Variants in FRMD3 observed in about 807,000 individuals in gnomAD.
FRMD3 encodes FERM domain-containing protein 3.
In FRMD3, 33 loss-of-function variants were observed where a neutral mutation model predicts 70.2. The ratio of observed to expected loss-of-function variants is 0.47; its 90% CI spans 0.36 to 0.63. The LOEUF is 0.63. FRMD3 is among the 20% of genes least tolerant of loss of function. FRMD3 has a pLI of 0.00. For synonymous variants in FRMD3, 279 were observed against 255.9 expected, an observed-to-expected ratio of 1.09 and a Z score of -0.86; for missense variants, 632 against 711.4, an observed-to-expected ratio of 0.89 and a Z score of 1.27.
chr9:83,272,270 GT>G (rs1833587170), intron 13 of FRMD3, among the ~76,000 whole-genome samples: 1 of 151,848 alleles, frequency 6.6e-6, no homozygotes, highest in African/African-American at 2.4e-5. Context: ...CGCCTGACTG[GT>G]TTTCGTTTTT....
At chr9:83,408,474 C>T (rs1826189489) in intron 1 of FRMD3, among the ~76,000 whole-genome samples, 2 of 152,174 alleles carry the variant, frequency 1.3e-5, no homozygotes, top group Non-Finnish European at 2.9e-5. Context: ...GAACATGCCT[C>T]CCTCCCATTT....
intron 1 of FRMD3, among the ~76,000 whole-genome samples, chr9:83,506,030 G>A (rs1337487692): frequency 3.9e-5 from 6 of 152,106 alleles, no homozygotes. Flanking sequence ...CACCCACCAC[G>A]CAGCTGGTCA....
intron 1 of FRMD3, among the ~76,000 whole-genome samples, chr9:83,509,778 C>T (rs1290959909): frequency 6.7e-6 from 1 of 149,858 alleles, no homozygotes; most frequent in Non-Finnish European, 1.5e-5. Flanking sequence ...AAAATACGCA[C>T]ACGCGCGCGC....
At chr9:83,347,829 T>C (rs1363513716) in intron 4 of FRMD3, among the ~76,000 whole-genome samples, 1 of 152,156 alleles carries the variant, frequency 6.6e-6, no homozygotes, top group East Asian at 1.9e-4. Context: ...TCTCAATTCG[T>C]TTAGAATTCT....
chr9:83,291,901 G>C (rs1013109473), intron 12 of FRMD3, among the ~76,000 whole-genome samples: 1 of 152,164 alleles, frequency 6.6e-6, no homozygotes, highest in African/African-American at 2.4e-5. Flanking sequence ...CAGGAGTGGG[G>C]AACAGCAAGA....
In FRMD3 at chr9:83,247,567, C is replaced by A; in HGVS notation, c.*351G>T. On this transcript the variant is annotated 3_prime_UTR_variant, in exon 14 of 14. Transcript: ENST00000304195. ...TTGTTACTAAAATTCTGATTCTGAACCTTATAGCTTATAATGGTGCCAACT... is the reference window on the plus strand; with the variant it reads ...TTGTTACTAAAATTCTGATTCTGAAACTTATAGCTTATAATGGTGCCAACT... The A allele has an allele frequency of 9.9e-7, 1 of 1,010,502 alleles. No individual in the cohort carries two copies. The highest frequency in any genetic ancestry group is 4.3e-5 in the South Asian group (1 of 23,406). The allele number at this position is 1,010,502 out of a possible 1,614,324, so 62.6% of individuals were successfully genotyped here. A position where few individuals can be genotyped will look rare whatever the true frequency, so the allele number is the denominator to read the frequency against.
the FRMD3 span, among the ~76,000 whole-genome samples, chr9:83,568,955 G>GATAGATAGATAGATACATACATAC: frequency 4.6e-5 from 6 of 130,748 alleles, no homozygotes; most frequent in African/African-American, 1.4e-4. Flanking sequence ...TAGATAGATA[G>GATAGATAGATAGATACATACATAC]ATACATACAT....
the FRMD3 span, among the ~76,000 whole-genome samples, chr9:83,569,042 A>G: frequency 6.6e-6 from 1 of 152,154 alleles, no homozygotes. Context: ...AATAGCCAAT[A>G]TGAGTAAGGG....
intron 1 of FRMD3, among the ~76,000 whole-genome samples, chr9:83,420,937 C>CTTTTTTTTT (rs897070718): frequency 1.9e-5 from 2 of 107,718 alleles, no homozygotes; most frequent in Non-Finnish European, 3.6e-5. Flanking sequence ...TTTCTTTCTT[C>CTTTTTTTTT]TTTTTTTTTT....
chr9:83,281,623 C>G (rs1587672106), intron 13 of FRMD3: 3 of 152,312 alleles, frequency 2.0e-5, no homozygotes, highest in Admixed American at 2.0e-4. Flanking sequence ...TTAACACAGA[C>G]TGTAAGTAAA....
At chr9:83,547,201 G>T in the FRMD3 span, among the ~76,000 whole-genome samples, 1 of 147,952 alleles carries the variant, frequency 6.8e-6, no homozygotes, top group African/African-American at 2.5e-5. Context: ...GACAAAGAAG[G>T]TCATTATTAT....
Position 83,455,751 on chromosome 9 carries a change from T to G in FRMD3, c.148-66043A>C, listed in dbSNP as rs565227456. On this transcript the variant is annotated intron_variant, in intron 1 of 13. Coordinates refer to ENST00000304195, the MANE Select transcript of FRMD3 (RefSeq NM_174938.6). The stretch of plus-strand genomic sequence containing the variant: ...TCAGAAACCTCAACAATTTACCAAG[T>G]TTGCTGATAAAAATATATTTTTCTT... Among the ~76,000 whole-genome samples, 132 of 152,242 alleles carry G rather than the reference T, an allele frequency of 8.7e-4. 2 individuals are homozygous for G. The South Asian group carries it at 0.025, about 29-fold the overall frequency.
chr9:83,430,076 A>G (rs1422135489), intron 1 of FRMD3, among the ~76,000 whole-genome samples: 1 of 152,190 alleles, frequency 6.6e-6, no homozygotes, highest in African/African-American at 2.4e-5. Flanking sequence ...GTCTTATTCT[A>G]TATTATACAT....
chr9:83,566,629 A>C, the FRMD3 span, among the ~76,000 whole-genome samples: 3 of 152,196 alleles, frequency 2.0e-5, no homozygotes, highest in Admixed American at 6.5e-5. Context: ...TATTGGGTAA[A>C]TACAGCCATT....
chr9:83,327,237 A>G lies in FRMD3; in HGVS notation c.596+8279T>C, dbSNP rs542357386. Among the ~76,000 whole-genome samples the G allele has an allele frequency of 3.0e-4, 45 of 152,334 alleles. No individual in the cohort carries two copies. The Middle Eastern group carries it at 0.01, about 35-fold the overall frequency. On this transcript the variant is annotated intron_variant, in intron 6 of 13. Coordinates refer to ENST00000304195, the MANE Select transcript of FRMD3 (RefSeq NM_174938.6). ...CTACTTCTGAAAAACAGAATTCTCA[A>G]TTTGGCTTAGATTACATTTTGCTGC...
At chr9:83,407,022 T>C (rs1826123461) in intron 1 of FRMD3, among the ~76,000 whole-genome samples, 1 of 152,216 alleles carries the variant, frequency 6.6e-6, no homozygotes, top group African/African-American at 2.4e-5. Context: ...TGTGTTCACC[T>C]GATCCTGGCA....
At chr9:83,410,674 A>G (rs1826254105) in intron 1 of FRMD3, among the ~76,000 whole-genome samples, 1 of 152,206 alleles carries the variant, frequency 6.6e-6, no homozygotes, top group South Asian at 2.1e-4. Context: ...CAGTAATGGG[A>G]TTGCTGGGTT....
intron 5 of FRMD3, among the ~76,000 whole-genome samples, chr9:83,338,846 TGA>T (rs1478867815): frequency 1.3e-5 from 2 of 152,172 alleles, no homozygotes; most frequent in Non-Finnish European, 2.9e-5. Flanking sequence ...CATAAACTGA[TGA>T]TTAACTCAAC....
At chr9:83,367,155 T>C (rs183371166) in intron 3 of FRMD3, among the ~76,000 whole-genome samples, 63 of 152,326 alleles carry the variant, frequency 4.1e-4, no homozygotes, top group Non-Finnish European at 7.2e-4. Flanking sequence ...GTTAACACTT[T>C]GTTTGAAGGC....
Sources: allele counts gnomAD v4.1 joint callset (sites outside exome capture counted in the v4.1 genomes callset), GRCh38; gene constraint gnomAD v4.1.1; transcripts MANE v1.5; gene names NCBI Gene and HGNC (gene_info 2026-07-23, HGNC 2026-07-21).